The following HSPA9 variants were observed in gnomAD, a reference collection of about 807,000 sequenced individuals.
HSPA9 encodes stress-70 protein, mitochondrial.
A neutral mutation model predicts 81.5 loss-of-function variants in HSPA9; 28 were observed. The observed-to-expected ratio is 0.34, with a 90% CI of 0.25 to 0.47. The LOEUF (loss-of-function observed/expected upper bound fraction) is 0.47, where lower values mean the gene tolerates loss of function less well. Ranked by LOEUF, HSPA9 falls within the 20% of genes least tolerant of loss-of-function variation. The probability of loss-of-function intolerance (pLI) is 1.00; values close to 1 mark genes in which losing one functional copy is unlikely to be tolerated. For synonymous variants in HSPA9, 293 were observed against 290.4 expected (o/e 1.01, Z -0.09); for missense variants, 678 against 838.0 (o/e 0.81, Z 2.36).
chr5:138,557,381 C>G, intron 14 of HSPA9, 21 bp downstream of exon 14: 1 of 1,525,840 alleles, frequency 6.6e-7, no homozygotes. Context: ...GATTAAAGTT[C>G]AGAAGACAAG....
At chr5:138,574,902 T>C in intron 1 of HSPA9, 1 of 408,920 alleles carries the variant, frequency 2.4e-6, no homozygotes, top group South Asian at 3.3e-5. Context: ...AAAATAAAAC[T>C]GAAAATAGTG....
intron 12 of HSPA9, among the ~76,000 whole-genome samples, 194 bp downstream of exon 12, chr5:138,558,359 T>C (rs1444280882): frequency 6.6e-6 from 1 of 151,876 alleles, no homozygotes; most frequent in Non-Finnish European, 1.5e-5. Context: ...CTGAGGAAAT[T>C]CCTAAGGCAC....
intron 10 of HSPA9, among the ~76,000 whole-genome samples, chr5:138,560,567 T>C (rs1272692588): frequency 6.6e-6 from 1 of 151,050 alleles, no homozygotes; most frequent in Non-Finnish European, 1.5e-5. Flanking sequence ...TCTTCTTCTT[T>C]TTTTTTTTTT....
chr5:138,566,799 CA>C, intron 8 of HSPA9, 81 bp from the exon 9 acceptor site: 2 of 1,194,062 alleles, frequency 1.7e-6, no homozygotes, highest in Admixed American at 1.7e-5. Context: ...TGGAACAACA[CA>C]AAATGGAGTC....
Position 138,575,291 on chromosome 5 carries a change from C to A in HSPA9, c.28G>T (p.Ala10Ser). The A allele has an allele frequency of 6.2e-7, 1 of 1,612,144 alleles. No individual in the cohort carries two copies. The highest frequency in any genetic ancestry group is 8.5e-7 in the Non-Finnish European group (1 of 1,179,600). The change falls in exon 1 of 17, where the codon GCC becomes TCC. Residue 10 changes from alanine to serine, a missense_variant. Physicochemically the swap from Ala to Ser is moderately conservative, Grantham distance 99 (BLOSUM62 1). Around this residue, in one of 4 missense-constraint regions of HSPA9, gnomAD observed 89 missense variants for 70.4 expected, o/e 1.27. Transcript: ENST00000297185. ...GAGGCTGCGGCGCCCACGAGACGGG[C>A]TGCTGCAGCTCGGCTGGCACTTATC... Reference protein sequence around the residue: MISASRAAAARLVGAAASRG... With the variant: MISASRAAASRLVGAAASRG...
intron 9 of HSPA9, among the ~76,000 whole-genome samples, chr5:138,562,673 G>T (rs1183393562): frequency 6.6e-6 from 1 of 152,174 alleles, no homozygotes; most frequent in Non-Finnish European, 1.5e-5. Context: ...CCATTCAGAA[G>T]ATAAAGAACT....
Position 138,575,346 on chromosome 5 carries a change from G to A in HSPA9, c.-28C>T, listed in dbSNP as rs1433543300. 3.8e-6 allele frequency: 6 copies of A among 1,574,134 alleles called. No individual in the cohort carries two copies. The highest frequency in any genetic ancestry group is 4.4e-6 in the Non-Finnish European group (5 of 1,146,702). ...CGGATAAATGGAGGAGTACGAGGCA[G>A]CAAACAAGCGCTCCGACGGCAAAGA... On this transcript the variant is annotated 5_prime_UTR_variant, in exon 1 of 17. Coordinates refer to ENST00000297185, the MANE Select transcript of HSPA9 (RefSeq NM_004134.7).
At position 138,571,915 on chromosome 5, in the gene HSPA9, G is replaced by A. The variant is rs555365357; in HGVS notation, c.229-774C>T. 2.8e-5 allele frequency among the ~76,000 whole-genome samples: 4 copies of A among 145,414 alleles called. No individual in the cohort carries two copies. The South Asian group carries it at 8.6e-4, about 31-fold the overall frequency. ...GACCTCAGGCGATCCGCCCACCTTGGCCTCCCAAAATGCTGGGATTACAGG... is the reference window on the plus strand; with the variant it reads ...GACCTCAGGCGATCCGCCCACCTTGACCTCCCAAAATGCTGGGATTACAGG... On this transcript the variant is annotated intron_variant, in intron 3 of 16. Transcript: ENST00000297185.
intron 14 of HSPA9, 187 bp downstream of exon 14, chr5:138,557,215 T>C: frequency 1.6e-6 from 1 of 642,746 alleles, no homozygotes; most frequent in Non-Finnish European, 2.8e-6. Flanking sequence ...TTCTCCTGCC[T>C]GAGCCTCCCA....
intron 9 of HSPA9, among the ~76,000 whole-genome samples, chr5:138,565,918 G>C (rs982308550): frequency 6.6e-6 from 1 of 152,214 alleles, no homozygotes; most frequent in Non-Finnish European, 1.5e-5. Context: ...GGGCTCAGTG[G>C]CTCACGCCCA....
At position 138,556,108 on chromosome 5, in the gene HSPA9, A is replaced by T; in HGVS notation, c.1969T>A (p.Ser657Thr). 1 of 1,613,326 alleles carries T rather than the reference A, an allele frequency of 6.2e-7. No homozygotes were observed. Among genetic ancestry groups the T allele is most frequent in the Non-Finnish European group, 8.5e-7 (1 of 1,179,446 alleles). ...LFEMAYKKMASEREGSGSSGT... is the reference protein window; with the variant it reads ...LFEMAYKKMATEREGSGSSGT... Reference sequence around the variant, plus strand: ...GAACTTCCAGAGCCTTCTCGCTCAGATGCCATCTGTTAAGAAAACATTTGA... The same window carrying T: ...GAACTTCCAGAGCCTTCTCGCTCAGTTGCCATCTGTTAAGAAAACATTTGA... Residue 657 changes from serine (S) to threonine (T), a missense_variant, in exon 17 of 17, where the codon TCT becomes ACT. Around this residue, in one of 4 missense-constraint regions of HSPA9, gnomAD observed 100 missense variants for 99.5 expected, o/e 1.00. Coordinates refer to ENST00000297185, the MANE Select transcript of HSPA9 (RefSeq NM_004134.7).
rs527364432 is a variant in HSPA9, at chr5:138,566,242, GGA to G, written c.972+382_972+383del. On this transcript the variant is annotated intron_variant, in intron 9 of 16. Transcript: ENST00000297185. ...CACTCAGAGACTCTCCAATTCACAA[GGA>G]GAGAGGTTATTTAATATTGTCAGTT... is the stretch of plus-strand genomic sequence containing the variant. 3.6e-3 allele frequency among the ~76,000 whole-genome samples: 542 copies of G among 148,914 alleles called. 5 individuals are homozygous for G. The highest frequency in any genetic ancestry group is 0.012 in the African/African-American group (492 of 40,502).
At chr5:138,563,341 T>C (rs1383885771) in intron 9 of HSPA9, among the ~76,000 whole-genome samples, 1 of 152,242 alleles carries the variant, frequency 6.6e-6, no homozygotes, top group East Asian at 1.9e-4. Context: ...TTGGCTATTA[T>C]AGTAGCACGA....
At chr5:138,574,967 C>T in intron 1 of HSPA9, 3 of 568,700 alleles carry the variant, frequency 5.3e-6, no homozygotes, top group Non-Finnish European at 9.4e-6. Context: ...TCCATTCAGC[C>T]ACAGAACAGG....
Position 138,572,048 on chromosome 5 carries a change from C to G in HSPA9, c.229-907G>C, listed in dbSNP as rs560818501. On this transcript the variant is annotated intron_variant, in intron 3 of 16. Coordinates refer to ENST00000297185, the MANE Select transcript of HSPA9 (RefSeq NM_004134.7). ...CACGGCTCACTGCAGCATTGACCTGCCAGCCTCAGCTGATCCTCCCACCTT... is the reference window on the plus strand; with the variant it reads ...CACGGCTCACTGCAGCATTGACCTGGCAGCCTCAGCTGATCCTCCCACCTT... Among the ~76,000 whole-genome samples, 17 of 142,514 alleles carry G rather than the reference C, an allele frequency of 1.2e-4. No homozygotes were observed. The South Asian group carries it at 3.7e-3, about 31-fold the overall frequency. 93.5% of individuals were successfully genotyped at this position (142,514 alleles called of 152,430 possible). A position where few individuals can be genotyped will look rare whatever the true frequency, so the allele number is the denominator to read the frequency against.
chr5:138,561,964 G>A (rs1750670131), intron 9 of HSPA9, among the ~76,000 whole-genome samples, 175 bp from the exon 10 acceptor site: 1 of 150,102 alleles, frequency 6.7e-6, no homozygotes, highest in Non-Finnish European at 1.5e-5. Context: ...TTTTGAGACA[G>A]AGTCTCATTC....
chr5:138,560,161 C>G, intron 10 of HSPA9, 70 bp from the exon 11 acceptor site: 1 of 1,043,740 alleles, frequency 9.6e-7, no homozygotes, highest in South Asian at 1.3e-5. Context: ...AAAGGGAGCA[C>G]GTGTCCTACG....
chr5:138,557,025 G>A (rs559051966), intron 14 of HSPA9, 159 bp from the exon 15 acceptor site: 2 of 682,356 alleles, frequency 2.9e-6, no homozygotes, highest in Non-Finnish European at 2.6e-6. Context: ...GGATGGCTTT[G>A]AGAGAGATTT....
At chr5:138,573,739 G>T (rs780280914) in intron 3 of HSPA9, 24 bp downstream of exon 3, 19 of 1,401,040 alleles carry the variant, frequency 1.4e-5, no homozygotes, top group Non-Finnish European at 1.8e-5. Context: ...TCTGGATAAG[G>T]TACTAGTTAT....
Sources: gnomAD v4.1 joint callset for allele counts (sites outside exome capture counted in the v4.1 genomes callset) on GRCh38, gnomAD v4.1.1 for gene constraint, gnomAD v4.1.1 regional missense constraint, MANE v1.5 for transcripts, NCBI Gene and HGNC (gene_info 2026-07-23, HGNC 2026-07-21) for gene names.